Variants in RICTOR observed in about 807,000 individuals in gnomAD.
RICTOR encodes RPTOR independent companion of MTOR complex 2, also known as rapamycin-insensitive companion of mTOR.
Under a neutral mutation model 214.9 loss-of-function variants are expected in RICTOR, and 49 were observed. The ratio of observed to expected loss-of-function variants is 0.23; its 90% confidence interval spans 0.18 to 0.29. The LOEUF is 0.29. Among genes scored for constraint, RICTOR ranks in the 10% least tolerant of loss-of-function variants. RICTOR has a pLI of 1.00. For missense variants in RICTOR, 1,625 were observed against 2,047.0 expected (o/e 0.79, Z 3.98); for synonymous variants, 717 against 711.3 (o/e 1.01, Z -0.13).
At chr5:39,008,188 A>G (rs1355158792) in intron 3 of RICTOR, among the ~76,000 whole-genome samples, 8 of 152,058 alleles carry the variant, frequency 5.3e-5, no homozygotes, top group African/African-American at 1.9e-4. Flanking sequence ...ACACTTTAAA[A>G]AAAAAGGATA....
At position 39,074,097 on chromosome 5, in the gene RICTOR, G is replaced by C; in HGVS notation, c.97+14C>G. 3.2e-6 allele frequency: 5 copies of C among 1,562,026 alleles called. No homozygotes were observed. Among genetic ancestry groups the C allele is most frequent in the Non-Finnish European group, 2.6e-6 (3 of 1,157,472 alleles). On this transcript the variant is annotated intron_variant, in intron 2 of 37. Transcript: ENST00000357387. The stretch of plus-strand genomic sequence containing the variant: ...GCAGCGCGCCCTCGCGGCGCCCGCG[G>C]CGCCCCGCGTTACCTCGGGTCAGAT...
intron 2 of RICTOR, among the ~76,000 whole-genome samples, chr5:39,067,832 C>T (rs181721185): frequency 6.0e-4 from 91 of 152,328 alleles, no homozygotes; most frequent in Admixed American, 1.9e-3. Context: ...TTAAAGTACT[C>T]TTTTCCTTCT....
rs778783810 is a variant in RICTOR at position 38,945,453 on chromosome 5, T to A, written c.4633+38A>T. On this transcript the variant is annotated intron_variant, in intron 34 of 37. Transcript: ENST00000357387. ...AAAGTAAACCAGAGAACTTTAGTCATCACTAGGTTTTTCTGAAGGTGGGAC... is the reference window on the plus strand; with the variant it reads ...AAAGTAAACCAGAGAACTTTAGTCAACACTAGGTTTTTCTGAAGGTGGGAC... 14 of 1,375,024 alleles carry A rather than the reference T, an allele frequency of 1.0e-5. No individual in the cohort carries two copies. In the African/African-American group the frequency reaches 1.7e-4, roughly 17 times the overall value. The allele number at this position is 1,375,024 out of a possible 1,614,324, so 85.2% of individuals were successfully genotyped here.
chr5:39,023,152 T>G (rs1210902761), intron 2 of RICTOR, among the ~76,000 whole-genome samples: 2 of 151,684 alleles, frequency 1.3e-5, no homozygotes, highest in African/African-American at 4.8e-5. Context: ...GCGGATTTCT[T>G]ATCCAAAACA....
At chr5:38,982,836 A>G (rs918905901) in intron 7 of RICTOR, among the ~76,000 whole-genome samples, 27 of 151,916 alleles carry the variant, frequency 1.8e-4, no homozygotes, top group Admixed American at 1.8e-3. Context: ...AACAGTTTAT[A>G]CATACATATA....
intron 2 of RICTOR, among the ~76,000 whole-genome samples, chr5:39,046,787 G>A (rs1048599896): frequency 6.6e-6 from 1 of 151,770 alleles, no homozygotes; most frequent in Non-Finnish European, 1.5e-5. Flanking sequence ...CTAAAGCTTT[G>A]AGTTAAATGA....
chr5:38,966,972 T>C, intron 14 of RICTOR, 189 bp downstream of exon 14: 4 of 647,012 alleles, frequency 6.2e-6, no homozygotes, highest in Non-Finnish European at 1.1e-5. Flanking sequence ...GGCTAATTTT[T>C]GTATTTTTAG....
rs76878586 is a variant in RICTOR at position 39,004,363 on chromosome 5, C to G, written c.196-741G>C. On this transcript the variant is annotated intron_variant, in intron 3 of 37. Transcript: ENST00000357387. The stretch of plus-strand genomic sequence containing the variant: ...GAAGTTTAGGTTAGCTGCTATTTTC[C>G]TCCAACAGTTTCAAGATGGCCTCCA... Among the ~76,000 whole-genome samples, 720 of 152,156 alleles carry G rather than the reference C, an allele frequency of 4.7e-3. 11 individuals carry two copies. Among genetic ancestry groups the G allele is most frequent in the African/African-American group, 0.017 (694 of 41,500 alleles).
chr5:38,965,613 G>C (rs2150029076), intron 15 of RICTOR, among the ~76,000 whole-genome samples: 1 of 151,982 alleles, frequency 6.6e-6, no homozygotes, highest in Admixed American at 6.6e-5. Flanking sequence ...TATCTTTTAA[G>C]AATTAAAAGA....
At chr5:39,019,339 C>A (rs925012390) in intron 3 of RICTOR, among the ~76,000 whole-genome samples, 2 of 152,158 alleles carry the variant, frequency 1.3e-5, no homozygotes, top group Non-Finnish European at 2.9e-5. Context: ...CGAGAACTTT[C>A]ATAACTAGAG....
chr5:38,987,131 T>C (rs1752234408), intron 7 of RICTOR, among the ~76,000 whole-genome samples: 4 of 152,210 alleles, frequency 2.6e-5, no homozygotes, highest in Admixed American at 6.5e-5. Flanking sequence ...TTTGCCAGTA[T>C]TTTATTGAAG....
At chr5:38,972,911 T>G (rs942929337) in intron 10 of RICTOR, among the ~76,000 whole-genome samples, 1 of 148,980 alleles carries the variant, frequency 6.7e-6, no homozygotes, top group African/African-American at 2.5e-5. Context: ...AAATGTTCAT[T>G]GCATGAAATA....
At chr5:39,000,970 A>G (rs1313057352) in intron 5 of RICTOR, among the ~76,000 whole-genome samples, 1 of 152,102 alleles carries the variant, frequency 6.6e-6, no homozygotes, top group Admixed American at 6.5e-5. Context: ...TGTTGACAGA[A>G]ATCAAAGTTT....
chr5:39,015,354 T>C (rs1275879360), intron 3 of RICTOR, among the ~76,000 whole-genome samples: 2 of 152,138 alleles, frequency 1.3e-5, no homozygotes, highest in African/African-American at 4.8e-5. Context: ...CTCTAACAAA[T>C]GGAATTCAAG....
At position 38,950,737 on chromosome 5, in the gene RICTOR, A is replaced by C. The variant is rs1245077119; in HGVS notation, c.3128-17T>G. ...TGAACATACCTATGATTGAAGGATC[A>C]ATTAATAAAAACACATATAAAATGA... is the stretch of plus-strand genomic sequence containing the variant. On this transcript the variant is annotated splice_polypyrimidine_tract_variant and intron_variant, in intron 30 of 37. Transcript: ENST00000357387. The C allele has an allele frequency of 6.5e-7, 1 of 1,533,176 alleles. No individual in the cohort carries two copies. Among genetic ancestry groups the C allele is most frequent in the South Asian group, 1.3e-5 (1 of 79,046 alleles). The allele number at this position is 1,533,176 out of a possible 1,614,324, so 95.0% of individuals were successfully genotyped here.
chr5:38,978,535 T>G, intron 9 of RICTOR, 48 bp downstream of exon 9: 1 of 911,018 alleles, frequency 1.1e-6, no homozygotes, highest in Non-Finnish European at 1.7e-6. Context: ...AGCTTTAGTA[T>G]TAACATATAC....
chr5:38,961,538 G>A (rs1047832585), intron 19 of RICTOR, among the ~76,000 whole-genome samples: 1 of 152,100 alleles, frequency 6.6e-6, no homozygotes, highest in African/African-American at 2.4e-5. Flanking sequence ...TCAATTTCAT[G>A]CACTACAATT....
intron 7 of RICTOR, among the ~76,000 whole-genome samples, chr5:38,985,057 C>A (rs557741787): frequency 6.6e-6 from 1 of 152,056 alleles, no homozygotes; most frequent in East Asian, 1.9e-4. Context: ...GTGATCCACC[C>A]GCCTCGGCCT....
intron 8 of RICTOR, chr5:38,981,664 T>C (rs1307277227): frequency 1.4e-5 from 6 of 421,646 alleles, no homozygotes; most frequent in Non-Finnish European, 2.1e-5. Flanking sequence ...AATTTACACA[T>C]TGATGAAATA....
Sources: gnomAD v4.1 joint callset for allele counts (sites outside exome capture counted in the v4.1 genomes callset) on GRCh38, gnomAD v4.1.1 for gene constraint, MANE v1.5 for transcripts, NCBI Gene and HGNC (gene_info 2026-07-23, HGNC 2026-07-21) for gene names.